Variants in UBE2E2 observed in about 807,000 individuals in gnomAD.
UBE2E2 encodes ubiquitin conjugating enzyme E2 E2.
UBE2E2 carries 6 observed loss-of-function variants against 24.7 expected under a neutral mutation model. The observed-to-expected ratio is 0.24, with a 90% CI of 0.13 to 0.48. The LOEUF (loss-of-function observed/expected upper bound fraction) is 0.48, where lower values mean the gene tolerates loss of function less well. Ranked by LOEUF, UBE2E2 falls within the 20% of genes least tolerant of loss-of-function variation. The pLI, the probability that UBE2E2 is intolerant of heterozygous loss-of-function variation, is 0.99. For missense variants in UBE2E2, 169 were observed against 245.0 expected (o/e 0.69, Z 2.07); for synonymous variants, 104 against 83.6 (o/e 1.24, Z -1.33).
At chr3:23,270,382 G>A (rs1284081496) in intron 3 of UBE2E2, among the ~76,000 whole-genome samples, 7 of 152,044 alleles carry the variant, frequency 4.6e-5, no homozygotes, top group East Asian at 1.9e-4. Context: ...GTCTTTTGCC[G>A]TTCCTGCACT....
At chr3:23,424,911 T>C (rs1026777887) in intron 3 of UBE2E2, among the ~76,000 whole-genome samples, 5 of 152,208 alleles carry the variant, frequency 3.3e-5, no homozygotes, top group African/African-American at 1.2e-4. Flanking sequence ...TGGTAACATT[T>C]ATGGATAATT....
chr3:23,353,197 A>G (rs1280629063), intron 3 of UBE2E2, among the ~76,000 whole-genome samples: 1 of 152,240 alleles, frequency 6.6e-6, no homozygotes, highest in African/African-American at 2.4e-5. Context: ...ACTTCATGCT[A>G]AAAACTCTCA....
chr3:23,226,833 TA>T (rs1454931542), intron 3 of UBE2E2, among the ~76,000 whole-genome samples: 1 of 151,988 alleles, frequency 6.6e-6, no homozygotes, highest in African/African-American at 2.4e-5. Flanking sequence ...AGTTTTGATT[TA>T]AAAAAATTGT....
chr3:23,405,562 C>A (rs1427024239), intron 3 of UBE2E2, among the ~76,000 whole-genome samples: 1 of 152,026 alleles, frequency 6.6e-6, no homozygotes, highest in African/African-American at 2.4e-5. Flanking sequence ...GGATTTTCCT[C>A]AAGAATTCTA....
intron 3 of UBE2E2, among the ~76,000 whole-genome samples, chr3:23,461,127 G>A (rs530108832): frequency 1.7e-4 from 26 of 151,860 alleles, no homozygotes; most frequent in East Asian, 5.8e-4. Flanking sequence ...TTTACACACC[G>A]TCCACCATAT....
intron 3 of UBE2E2, among the ~76,000 whole-genome samples, chr3:23,361,311 G>A (rs1213919510): frequency 2.6e-5 from 4 of 152,156 alleles, no homozygotes; most frequent in African/African-American, 9.7e-5. Context: ...ATTTGATCCA[G>A]CAGTTCCATT....
chr3:23,366,415 A>G (rs140136951), intron 3 of UBE2E2, among the ~76,000 whole-genome samples: 404 of 152,358 alleles, frequency 2.7e-3, no homozygotes, highest in Non-Finnish European at 4.6e-3. Flanking sequence ...CTAAATACCC[A>G]TCAGTGGTAG....
At chr3:23,319,664 A>C (rs1694688403) in intron 3 of UBE2E2, among the ~76,000 whole-genome samples, 1 of 149,852 alleles carries the variant, frequency 6.7e-6, no homozygotes, top group African/African-American at 2.4e-5. Flanking sequence ...AATACAAAAA[A>C]ATTAGCTGGA....
At chr3:23,243,401 A>G (rs980747764) in intron 3 of UBE2E2, among the ~76,000 whole-genome samples, 1 of 152,158 alleles carries the variant, frequency 6.6e-6, no homozygotes, top group Non-Finnish European at 1.5e-5. Context: ...TCAATCTCTG[A>G]GCCTCAGTGT....
chr3:23,266,101 A>G (rs960094585), intron 3 of UBE2E2, among the ~76,000 whole-genome samples: 14 of 152,128 alleles, frequency 9.2e-5, no homozygotes, highest in African/African-American at 1.9e-4. Context: ...TCTGTATCCA[A>G]TTTGCCAGTC....
In UBE2E2 at chr3:23,590,825, T is replaced by G. The variant is rs985902012; in HGVS notation, c.*994T>G. The G allele has an allele frequency of 6.6e-6, 1 of 152,258 alleles. No individual in the cohort carries two copies. Among genetic ancestry groups the G allele is most frequent in the African/African-American group, 2.4e-5 (1 of 41,470 alleles). 9.4% of individuals were successfully genotyped at this position (152,258 alleles called of 1,614,324 possible). A position where few individuals can be genotyped will look rare whatever the true frequency, so the allele number is the denominator to read the frequency against. ...ACTGGGCATTCTTTCTGTTACAGCCTTCTTTATCAACAATTAAAATATGTA... is the reference window on the plus strand; with the variant it reads ...ACTGGGCATTCTTTCTGTTACAGCCGTCTTTATCAACAATTAAAATATGTA... On this transcript the variant is annotated 3_prime_UTR_variant, in exon 6 of 6. Transcript: ENST00000396703.
intron 5 of UBE2E2, among the ~76,000 whole-genome samples, chr3:23,585,215 T>C (rs1297968658): frequency 6.6e-6 from 1 of 151,136 alleles, no homozygotes; most frequent in Non-Finnish European, 1.5e-5. Context: ...CCAAAAAAAA[T>C]AAATCAATAA....
intron 3 of UBE2E2, among the ~76,000 whole-genome samples, chr3:23,226,184 G>T (rs1029502048): frequency 6.8e-6 from 1 of 147,968 alleles, no homozygotes; most frequent in African/African-American, 2.5e-5. Flanking sequence ...TGGCCGAAAA[G>T]TGTATTTTCC....
chr3:23,225,561 TAC>T (rs1430213751), intron 3 of UBE2E2, among the ~76,000 whole-genome samples: 2 of 152,228 alleles, frequency 1.3e-5, no homozygotes, highest in African/African-American at 4.8e-5. Flanking sequence ...GACTATTTTT[TAC>T]ACTGAATTGT....
intron 3 of UBE2E2, among the ~76,000 whole-genome samples, chr3:23,426,115 A>G (rs1040255350): frequency 6.6e-6 from 1 of 152,230 alleles, no homozygotes; most frequent in Non-Finnish European, 1.5e-5. Context: ...GAATGTTTTA[A>G]ATGAGTTCAT....
At chr3:23,477,430 T>C (rs1167920611) in intron 3 of UBE2E2, among the ~76,000 whole-genome samples, 1 of 152,208 alleles carries the variant, frequency 6.6e-6, no homozygotes, top group Non-Finnish European at 1.5e-5. Context: ...TATTTACCAT[T>C]ATTTCTCACA....
chr3:23,476,132 A>G (rs1184567471), intron 3 of UBE2E2, among the ~76,000 whole-genome samples: 1 of 151,938 alleles, frequency 6.6e-6, no homozygotes, highest in East Asian at 1.9e-4. Flanking sequence ...TGTAAAGTGG[A>G]TTTTCGTTCC....
chr3:23,363,348 A>G (rs967476065), intron 3 of UBE2E2, among the ~76,000 whole-genome samples: 1 of 152,262 alleles, frequency 6.6e-6, no homozygotes, highest in African/African-American at 2.4e-5. Flanking sequence ...TAAAAGGCAC[A>G]GAATGACAGC....
At chr3:23,523,322 C>T (rs142523119) in intron 4 of UBE2E2, among the ~76,000 whole-genome samples, 235 of 152,208 alleles carry the variant, frequency 1.5e-3, no homozygotes, top group African/African-American at 5.4e-3. Context: ...ATTTGCTTCC[C>T]GTGATGGGGA....
Sources: gnomAD v4.1 joint callset for allele counts (sites outside exome capture counted in the v4.1 genomes callset) on GRCh38, gnomAD v4.1.1 for gene constraint, MANE v1.5 for transcripts, NCBI Gene and HGNC (gene_info 2026-07-23, HGNC 2026-07-21) for gene names.